Variants in PPP5C observed in about 807,000 individuals in gnomAD.
The protein encoded by PPP5C is serine/threonine-protein phosphatase 5.
Under a neutral mutation model 66.7 loss-of-function variants are expected in PPP5C, and 21 were observed. The observed-to-expected ratio is 0.31, with a 90% CI of 0.22 to 0.45. The LOEUF (loss-of-function observed/expected upper bound fraction) is 0.45. PPP5C is among the 20% of genes least tolerant of loss of function. The pLI is 1.00. For missense variants in PPP5C, 464 were observed against 675.9 expected, an observed-to-expected ratio of 0.69 and a Z score of 3.48; for synonymous variants, 246 against 257.4, an observed-to-expected ratio of 0.96 and a Z score of 0.43.
chr19:46,378,133 T>C (rs2147392245), intron 4 of PPP5C, among the ~76,000 whole-genome samples: 1 of 152,316 alleles, frequency 6.6e-6, no homozygotes, highest in East Asian at 1.9e-4. Flanking sequence ...ACACAAAGCA[T>C]TTAAAACTAA....
intron 2 of PPP5C, among the ~76,000 whole-genome samples, chr19:46,357,887 T>G (rs967655152): frequency 1.3e-5 from 2 of 152,220 alleles, no homozygotes; most frequent in Non-Finnish European, 2.9e-5. Flanking sequence ...TTATGGAAGC[T>G]TCATTATGTA....
chr19:46,372,127 G>A (rs1308687935), intron 2 of PPP5C, among the ~76,000 whole-genome samples: 2 of 152,120 alleles, frequency 1.3e-5, no homozygotes, highest in African/African-American at 4.8e-5. Context: ...GTGATTACTA[G>A]GTACTGCCTT....
intron 1 of PPP5C, among the ~76,000 whole-genome samples, chr19:46,348,271 A>C (rs971896987): frequency 4.0e-5 from 6 of 150,046 alleles, no homozygotes; most frequent in African/African-American, 1.5e-4. Context: ...CAGATCATGC[A>C]GGGTCTCCGT....
chr19:46,363,307 C>CAAAAAAAAAAAA (rs1158423038), intron 2 of PPP5C, among the ~76,000 whole-genome samples: 1 of 27,948 alleles, frequency 3.6e-5, no homozygotes, highest in Non-Finnish European at 5.5e-5. Context: ...GACTCCATCT[C>CAAAAAAAAAAAA]AAAAAAAAAA....
rs367544623 is a variant in PPP5C, at chr19:46,388,604, G to A, written c.1228G>A (p.Val410Ile). Residue 410 changes from valine (V) to isoleucine (I), a missense_variant, in exon 11 of 13, where the codon GTC becomes ATC. Coordinates refer to ENST00000012443, the MANE Select transcript of PPP5C (RefSeq NM_006247.4). This position sits in a 1 kb window ranked among gnomAD's most constrained non-coding sequence, Gnocchi z 4.9. ...CGTGAGCTGTCAGTTTGGGCCTGACGTCACCAAGGCCTTCTTGGAAGAGAA... is the reference window on the plus strand; with the variant it reads ...CGTGAGCTGTCAGTTTGGGCCTGACATCACCAAGGCCTTCTTGGAAGAGAA... ...RGVSCQFGPD[V>I]TKAFLEENNL... The A allele has an allele frequency of 1.5e-5, 25 of 1,614,022 alleles. No homozygotes were observed. Among genetic ancestry groups the A allele is most frequent in the East Asian group, 2.2e-5 (1 of 44,884 alleles).
chr19:46,390,210 G>T, intron 12 of PPP5C, 74 bp from the exon 13 acceptor site: 1 of 1,607,142 alleles, frequency 6.2e-7, no homozygotes, highest in African/African-American at 1.3e-5. Flanking sequence ...TAAGGGGCAG[G>T]GGTAGGTTCT....
intron 2 of PPP5C, among the ~76,000 whole-genome samples, chr19:46,374,289 C>T (rs1179480277): frequency 1.3e-5 from 2 of 152,168 alleles, no homozygotes; most frequent in African/African-American, 4.8e-5. Context: ...CAGTGGGTGT[C>T]TCTGTGGAGG....
intron 2 of PPP5C, among the ~76,000 whole-genome samples, chr19:46,354,930 C>T (rs73561656): frequency 0.026 from 3,902 of 152,340 alleles, 123 homozygotes; most frequent in African/African-American, 0.066. Flanking sequence ...AAAATCCTGA[C>T]GGTATGAGGC....
Position 46,383,814 on chromosome 19 carries a change from G to C in PPP5C, c.734G>C (p.Gly245Ala). The change falls in exon 6 of 13, where the codon GGC becomes GCC. Residue 245 changes from glycine to alanine, a missense_variant. Transcript: ENST00000012443. This position sits in a 1 kb window ranked among gnomAD's most constrained non-coding sequence, Gnocchi z 5.0. ...ATTACAGTATGTGGGGACACCCATGGCCAGTTCTATGACCTCCTCAACATA... is the reference window on the plus strand; with the variant it reads ...ATTACAGTATGTGGGGACACCCATGCCCAGTTCTATGACCTCCTCAACATA... ...EKITVCGDTHGQFYDLLNIFE... is the reference protein window; with the variant it reads ...EKITVCGDTHAQFYDLLNIFE... 1 of 1,613,866 alleles carries C rather than the reference G, an allele frequency of 6.2e-7. No homozygotes were observed. The highest frequency in any genetic ancestry group is 8.5e-7 in the Non-Finnish European group (1 of 1,179,904).
intron 2 of PPP5C, among the ~76,000 whole-genome samples, chr19:46,360,447 G>T (rs1450227104): frequency 6.6e-6 from 1 of 151,792 alleles, no homozygotes; most frequent in African/African-American, 2.4e-5. Context: ...AGGTCAAAAA[G>T]ACTTAATTTT....
chr19:46,387,314 G>A (rs1463611587), intron 8 of PPP5C, 52 bp from the exon 9 acceptor site: 2 of 1,609,922 alleles, frequency 1.2e-6, no homozygotes, highest in Non-Finnish European at 1.7e-6. Flanking sequence ...GGAAGTTGGG[G>A]CCTGTGGGTG....
At chr19:46,362,961 G>A (rs2048764477) in intron 2 of PPP5C, among the ~76,000 whole-genome samples, 1 of 148,722 alleles carries the variant, frequency 6.7e-6, no homozygotes, top group Non-Finnish European at 1.5e-5. Context: ...CTAATTTTTT[G>A]TATTTTTAGT....
intron 2 of PPP5C, among the ~76,000 whole-genome samples, chr19:46,359,393 T>A (rs1298432109): frequency 6.6e-6 from 1 of 152,110 alleles, no homozygotes; most frequent in Non-Finnish European, 1.5e-5. Context: ...AAAACAAGAA[T>A]GTATATGCCA....
chr19:46,355,016 A>G (rs988273129), intron 2 of PPP5C, among the ~76,000 whole-genome samples: 1 of 152,224 alleles, frequency 6.6e-6, no homozygotes, highest in Non-Finnish European at 1.5e-5. Flanking sequence ...GAATCATTAC[A>G]GCACCCTGGG....
intron 2 of PPP5C, among the ~76,000 whole-genome samples, chr19:46,362,688 CGTTAG>C (rs1972411394): frequency 6.6e-6 from 1 of 151,896 alleles, no homozygotes; most frequent in African/African-American, 2.4e-5. Context: ...TATTATTGTA[CGTTAG>C]GCAAGTATCA....
At chr19:46,349,259 AT>A (rs982694599) in intron 1 of PPP5C, among the ~76,000 whole-genome samples, 26 of 152,152 alleles carry the variant, frequency 1.7e-4, no homozygotes, top group African/African-American at 5.8e-4. Context: ...ACACCACTGC[AT>A]TCCAGCCTGG....
intron 2 of PPP5C, among the ~76,000 whole-genome samples, chr19:46,363,889 A>G (rs937067397): frequency 4.6e-5 from 7 of 152,214 alleles, no homozygotes; most frequent in Admixed American, 1.3e-4. Context: ...AAGGAGCTCT[A>G]TGTAAAAGAG....
In PPP5C at chr19:46,383,748, C is replaced by A; in HGVS notation, c.700-32C>A. 6.5e-7 allele frequency: 1 copy of A among 1,532,476 alleles called. No individual in the cohort carries two copies. The highest frequency in any genetic ancestry group is 1.7e-5 in the Admixed American group (1 of 59,686). The allele number at this position is 1,532,476 out of a possible 1,614,324, so 94.9% of individuals were successfully genotyped here. On this transcript the variant is annotated intron_variant, in intron 5 of 12. Coordinates refer to ENST00000012443, the MANE Select transcript of PPP5C (RefSeq NM_006247.4). This position sits in a 1 kb window ranked among gnomAD's most constrained non-coding sequence, Gnocchi z 5.0. ...CCCCTCCCCACGTCTCTCTCTCGGC[C>A]CGTCCCTCTCCGGTGGCCTCTTTTC... is the stretch of plus-strand genomic sequence containing the variant.
At chr19:46,371,388 C>T (rs1013910274) in intron 2 of PPP5C, among the ~76,000 whole-genome samples, 1 of 152,194 alleles carries the variant, frequency 6.6e-6, no homozygotes, top group Non-Finnish European at 1.5e-5. Context: ...TTTCATCCAG[C>T]GCTCGCCAGG....
Sources: gnomAD v4.1 joint callset for allele counts (sites outside exome capture counted in the v4.1 genomes callset) on GRCh38, gnomAD v4.1.1 for gene constraint, Gnocchi (gnomAD v3.1) non-coding constraint, MANE v1.5 for transcripts, NCBI Gene and HGNC (gene_info 2026-07-23, HGNC 2026-07-21) for gene names.